IL2RA: variants seen among roughly 807,000 people sequenced by gnomAD.
IL2RA encodes interleukin-2 receptor subunit alpha.
Under a neutral mutation model 37.8 loss-of-function variants are expected in IL2RA, and 24 were observed. The ratio of observed to expected loss-of-function variants is 0.63; its 90% CI spans 0.46 to 0.89. The LOEUF is 0.89. IL2RA is among the 40% of genes least tolerant of loss of function. The pLI is 0.00. For missense variants in IL2RA, 319 were observed against 348.6 expected (o/e 0.92, Z 0.68); for synonymous variants, 125 against 114.6 (o/e 1.09, Z -0.58).
Position 6,014,656 on chromosome 10 carries a change from G to A in IL2RA, c.795-1760C>T, listed in dbSNP as rs759460692. On this transcript the variant is annotated intron_variant, in intron 7 of 7. Coordinates refer to ENST00000379959, the MANE Select transcript of IL2RA (RefSeq NM_000417.3). The surrounding 1 kb of genome is among the most constrained non-coding windows in gnomAD (Gnocchi z 4.4). ...GAGAGGATGCAAGTACTGAGTACAC[G>A]TACAACATGTCAGCCACGTCACATC... Among the ~76,000 whole-genome samples, 10 of 152,290 alleles carry A rather than the reference G, an allele frequency of 6.6e-5. No homozygotes were observed. The highest frequency in any genetic ancestry group is 4.1e-4 in the South Asian group (2 of 4,826).
At chr10:6,016,142 C>T (rs950234252) in intron 7 of IL2RA, among the ~76,000 whole-genome samples, 3 of 152,164 alleles carry the variant, frequency 2.0e-5, no homozygotes, top group Non-Finnish European at 4.4e-5. Flanking sequence ...GTGATCAGGT[C>T]GCGAGGGCTC....
At chr10:6,051,243 C>A (rs1839950539) in intron 1 of IL2RA, among the ~76,000 whole-genome samples, 1 of 152,086 alleles carries the variant, frequency 6.6e-6, no homozygotes, top group South Asian at 2.1e-4. Flanking sequence ...GTCGGGGAAG[C>A]CACCAGGCCT....
intron 1 of IL2RA, among the ~76,000 whole-genome samples, chr10:6,038,824 A>T (rs1191606855): frequency 1.3e-5 from 2 of 152,242 alleles, no homozygotes; most frequent in Admixed American, 6.5e-5. Flanking sequence ...GATGTTAAAA[A>T]TTACATCTAA....
chr10:6,036,851 C>T lies in IL2RA; in HGVS notation c.65-10826G>A, dbSNP rs990897551. Among the ~76,000 whole-genome samples the T allele has an allele frequency of 1.3e-5, 2 of 152,168 alleles. No individual in the cohort carries two copies. Among genetic ancestry groups the T allele is most frequent in the Admixed American group, 1.3e-4 (2 of 15,282 alleles). ...ATATCCCGGTTGGCTGCTCTAGAGCCGGCAGGACGGATGCTGAGGTTGTTC... is the reference window on the plus strand; with the variant it reads ...ATATCCCGGTTGGCTGCTCTAGAGCTGGCAGGACGGATGCTGAGGTTGTTC... On this transcript the variant is annotated intron_variant, in intron 1 of 7. Coordinates refer to ENST00000379959, the MANE Select transcript of IL2RA (RefSeq NM_000417.3). This position sits in a 1 kb window ranked among gnomAD's most constrained non-coding sequence, Gnocchi z 6.1.
intron 1 of IL2RA, 136 bp from the exon 2 acceptor site, chr10:6,026,161 C>A (rs1009474540): frequency 4.6e-6 from 4 of 876,680 alleles, no homozygotes; most frequent in African/African-American, 1.7e-5. Context: ...TGTGAGAAAG[C>A]AACTAAGGCT....
At chr10:6,052,424 C>A (rs963084386) in intron 1 of IL2RA, among the ~76,000 whole-genome samples, 1 of 152,180 alleles carries the variant, frequency 6.6e-6, no homozygotes, top group Non-Finnish European at 1.5e-5. Flanking sequence ...GTGTCTCAAA[C>A]CCTGTGCCTG....
rs41294917 is a variant in IL2RA at position 6,053,527 on chromosome 10, C to G, written c.64+8561G>C. ...GGTGCATGGGCCGGCTTTAACCAGTCATGTTTCCTAGTCTATAGCTTTGCT... is the reference window on the plus strand; with the variant it reads ...GGTGCATGGGCCGGCTTTAACCAGTGATGTTTCCTAGTCTATAGCTTTGCT... On this transcript the variant is annotated intron_variant, in intron 1 of 7. Transcript: ENST00000379959. Among the ~76,000 whole-genome samples the G allele has an allele frequency of 7.9e-3, 1,199 of 152,362 alleles. 2 individuals carry two copies. The highest frequency in any genetic ancestry group is 0.014 in the Middle Eastern group (4 of 294).
Position 6,020,726 on chromosome 10 carries a change from T to C in IL2RA, c.583+752A>G, listed in dbSNP as rs893112551. ...TTTTGTATTTTTAGTAGAGACGGGG[T>C]TTCACCATGTTGGCCAGGCTGGTCT... On this transcript the variant is annotated intron_variant, in intron 4 of 7. Coordinates refer to ENST00000379959, the MANE Select transcript of IL2RA (RefSeq NM_000417.3). This position sits in a 1 kb window ranked among gnomAD's most constrained non-coding sequence, Gnocchi z 5.6. 1.1e-4 allele frequency among the ~76,000 whole-genome samples: 17 copies of C among 152,026 alleles called. No individual in the cohort carries two copies. Among genetic ancestry groups the C allele is most frequent in the African/African-American group, 3.4e-4 (14 of 41,404 alleles).
chr10:6,057,255 C>T lies in IL2RA; in HGVS notation c.64+4833G>A, dbSNP rs1213820455. On this transcript the variant is annotated intron_variant, in intron 1 of 7. Transcript: ENST00000379959. The surrounding 1 kb of genome is among the most constrained non-coding windows in gnomAD (Gnocchi z 4.8). ...AGTGAGTGGAGTTTTTGCGTTGACA[C>T]CTGCAACTGCAGCAATTACAGAAGC... Among the ~76,000 whole-genome samples the T allele has an allele frequency of 6.6e-6, 1 of 152,154 alleles. No individual in the cohort carries two copies. The highest frequency in any genetic ancestry group is 6.5e-5 in the Admixed American group (1 of 15,276).
rs1482687243 is a variant in IL2RA at position 6,033,337 on chromosome 10, AAAAG to A, written c.65-7316_65-7313del. Among the ~76,000 whole-genome samples, 2 of 152,184 alleles carry A rather than the reference AAAAG, an allele frequency of 1.3e-5. No homozygotes were observed. Among genetic ancestry groups the A allele is most frequent in the Non-Finnish European group, 1.5e-5 (1 of 68,024 alleles). ...CAAACAACAACAAAAAAAAAACAAA[AAAAG>A]AAAGTATTTTTATTGACGTTAAATA... On this transcript the variant is annotated intron_variant, in intron 1 of 7. Coordinates refer to ENST00000379959, the MANE Select transcript of IL2RA (RefSeq NM_000417.3). The surrounding 1 kb of genome is among the most constrained non-coding windows in gnomAD (Gnocchi z 4.3).
At position 6,044,457 on chromosome 10, in the gene IL2RA, G is replaced by A. The variant is rs1839820535; in HGVS notation, c.64+17631C>T. Among the ~76,000 whole-genome samples, 1 of 152,194 alleles carries A rather than the reference G, an allele frequency of 6.6e-6. No individual in the cohort carries two copies. The highest frequency in any genetic ancestry group is 1.5e-5 in the Non-Finnish European group (1 of 68,036). ...GGGGCAGTTTGCAGAAATTTCTAGG[G>A]AAGGGGTAGTAACTTTTGGGTCATC... On this transcript the variant is annotated intron_variant, in intron 1 of 7. Transcript: ENST00000379959. This position sits in a 1 kb window ranked among gnomAD's most constrained non-coding sequence, Gnocchi z 4.5.
In IL2RA at chr10:6,025,584, A is replaced by G. The variant is rs1415519448; in HGVS notation, c.256+250T>C. ...GGCAGGAGAATCACTTGAAGCCAGG[A>G]GGCGGAAGTTGCAGTGAGCCGAGAT... is the stretch of plus-strand genomic sequence containing the variant. On this transcript the variant is annotated intron_variant, in intron 2 of 7. Coordinates refer to ENST00000379959, the MANE Select transcript of IL2RA (RefSeq NM_000417.3). This position sits in a 1 kb window ranked among gnomAD's most constrained non-coding sequence, Gnocchi z 4.4. 6.6e-6 allele frequency among the ~76,000 whole-genome samples: 1 copy of G among 151,980 alleles called. No homozygotes were observed. The highest frequency in any genetic ancestry group is 2.4e-5 in the African/African-American group (1 of 41,384).
chr10:6,054,177 C>T lies in IL2RA; in HGVS notation c.64+7911G>A, dbSNP rs573002403. On this transcript the variant is annotated intron_variant, in intron 1 of 7. Coordinates refer to ENST00000379959, the MANE Select transcript of IL2RA (RefSeq NM_000417.3). This position sits in a 1 kb window ranked among gnomAD's most constrained non-coding sequence, Gnocchi z 4.5. ...CTGGATCCGGGTCGAGGGCTGCAGG[C>T]GGAGCTGCTGGTCAAAAACCCCCCG... Among the ~76,000 whole-genome samples, 2 of 152,308 alleles carry T rather than the reference C, an allele frequency of 1.3e-5. No homozygotes were observed. Among genetic ancestry groups the T allele is most frequent in the African/African-American group, 4.8e-5 (2 of 41,564 alleles).
intron 7 of IL2RA, among the ~76,000 whole-genome samples, chr10:6,017,396 G>C (rs1839297488): frequency 1.3e-5 from 2 of 152,058 alleles, no homozygotes; most frequent in East Asian, 3.9e-4. Flanking sequence ...TTGCAGTGCT[G>C]GCCTCTGCTG....
In IL2RA at chr10:6,022,093, C is replaced by T. The variant is rs1209739351; in HGVS notation, c.368-400G>A. 6.6e-6 allele frequency among the ~76,000 whole-genome samples: 1 copy of T among 151,946 alleles called. No individual in the cohort carries two copies. Among genetic ancestry groups the T allele is most frequent in the East Asian group, 1.9e-4 (1 of 5,176 alleles). On this transcript the variant is annotated intron_variant, in intron 3 of 7. Transcript: ENST00000379959. This position sits in a 1 kb window ranked among gnomAD's most constrained non-coding sequence, Gnocchi z 4.7. ...GGGCGGGGCAGTCTCAGCTGAGACA[C>T]AAGGGTAGGCTCAAGCCTATTTGGG...
intron 1 of IL2RA, among the ~76,000 whole-genome samples, chr10:6,052,763 G>A (rs1044795558): frequency 6.6e-6 from 1 of 152,204 alleles, no homozygotes; most frequent in African/African-American, 2.4e-5. Flanking sequence ...AAAAGAGTGG[G>A]TGATTCTGTG....
rs1375416837 is a variant in IL2RA at position 6,056,782 on chromosome 10, T to G, written c.64+5306A>C. On this transcript the variant is annotated intron_variant, in intron 1 of 7. Transcript: ENST00000379959. This position sits in a 1 kb window ranked among gnomAD's most constrained non-coding sequence, Gnocchi z 5.0. Reference sequence around the variant, plus strand: ...AAAAAAGATTCCCCTTTCTCTTCTCTCAGGGAATGGCCTGGGATAGAGAAG... The same window carrying G: ...AAAAAAGATTCCCCTTTCTCTTCTCGCAGGGAATGGCCTGGGATAGAGAAG... Among the ~76,000 whole-genome samples, 1 of 151,970 alleles carries G rather than the reference T, an allele frequency of 6.6e-6. No homozygotes were observed. Among genetic ancestry groups the G allele is most frequent in the African/African-American group, 2.4e-5 (1 of 41,346 alleles).
At chr10:6,040,945 C>G (rs191577788) in intron 1 of IL2RA, among the ~76,000 whole-genome samples, 41 of 152,240 alleles carry the variant, frequency 2.7e-4, no homozygotes, top group Non-Finnish European at 5.0e-4. Context: ...ATATCAGCAA[C>G]AACCAATCCA....
intron 1 of IL2RA, among the ~76,000 whole-genome samples, chr10:6,042,147 G>GAAAAAAAAAAAAAAAA (rs1564549478): frequency 1.7e-3 from 2 of 1,206 alleles, no homozygotes; most frequent in Non-Finnish European, 2.3e-3. Flanking sequence ...AATGTATTAA[G>GAAAAAAAAAAAAAAAA]CAAAAAAAAA....
Sources: gnomAD v4.1 joint callset for allele counts (sites outside exome capture counted in the v4.1 genomes callset) on GRCh38, gnomAD v4.1.1 for gene constraint, Gnocchi (gnomAD v3.1) non-coding constraint, MANE v1.5 for transcripts, NCBI Gene and HGNC (gene_info 2026-07-23, HGNC 2026-07-21) for gene names.